Variants in GCSAML observed in about 807,000 individuals in gnomAD.
The protein encoded by GCSAML is germinal center associated signaling and motility like.
Under a neutral mutation model 13.0 loss-of-function variants are expected in GCSAML, and 9 were observed. The observed-to-expected ratio is 0.69, with a 90% CI of 0.42 to 1.21. GCSAML has a LOEUF of 1.21. Ranked by LOEUF, GCSAML falls within the 50% of genes most tolerant of loss-of-function variation. The pLI is 0.00. For missense variants in GCSAML, 143 were observed against 153.4 expected (o/e 0.93, Z 0.36); for synonymous variants, 37 against 52.9 (o/e 0.70, Z 1.31).
At chr1:247,539,318 G>A (rs558941024) in intron 2 of GCSAML, among the ~76,000 whole-genome samples, 2 of 152,254 alleles carry the variant, frequency 1.3e-5, no homozygotes, top group South Asian at 4.1e-4. Flanking sequence ...AACATGATCT[G>A]AGGGTGGAGT....
At chr1:247,566,312 G>A (rs1205124460) in intron 4 of GCSAML, among the ~76,000 whole-genome samples, 1 of 152,044 alleles carries the variant, frequency 6.6e-6, no homozygotes, top group Non-Finnish European at 1.5e-5. Flanking sequence ...GCACGATCTC[G>A]GCTCACTGCA....
chr1:247,560,506 CAT>C (rs1317729713), intron 2 of GCSAML, among the ~76,000 whole-genome samples: 1 of 152,144 alleles, frequency 6.6e-6, no homozygotes, highest in Non-Finnish European at 1.5e-5. Context: ...ACATTTTCCC[CAT>C]GAAAGTTTGA....
intron 1 of GCSAML, among the ~76,000 whole-genome samples, chr1:247,509,182 T>C (rs963146113): frequency 6.6e-6 from 1 of 152,230 alleles, no homozygotes; most frequent in Non-Finnish European, 1.5e-5. Flanking sequence ...CTGATTTCTC[T>C]GAGCAGTGGT....
chr1:247,507,593 T>C lies in GCSAML; in HGVS notation c.-263+360T>C, dbSNP rs140962018. On this transcript the variant is annotated intron_variant, in intron 1 of 5. Transcript: ENST00000366489. ...AAAGTGCAGGTTTGTTAAGCATGTA[T>C]ACACGTGCCATGGTGGTTTGCTGCA... Among the ~76,000 whole-genome samples the C allele has an allele frequency of 7.9e-5, 12 of 152,282 alleles. No individual in the cohort carries two copies. The East Asian group carries it at 2.3e-3, about 29-fold the overall frequency.
intron 2 of GCSAML, among the ~76,000 whole-genome samples, chr1:247,543,791 T>C (rs1336393199): frequency 6.6e-6 from 1 of 152,056 alleles, no homozygotes; most frequent in East Asian, 1.9e-4. Flanking sequence ...TCTAATCTTA[T>C]TAAAAAAATT....
chr1:247,532,298 T>C (rs199725517), intron 2 of GCSAML: 122 of 1,614,078 alleles, frequency 7.6e-5, no homozygotes, highest in Non-Finnish European at 1.0e-4. Flanking sequence ...GTGAAGCTCA[T>C]GTCCAGGAAG....
At chr1:247,531,598 A>G (rs1180079507) in intron 2 of GCSAML, 5 of 1,613,966 alleles carry the variant, frequency 3.1e-6, no homozygotes, top group African/African-American at 2.7e-5. Flanking sequence ...CTCTAATACC[A>G]TGTGCCGGAG....
intron 4 of GCSAML, among the ~76,000 whole-genome samples, chr1:247,568,247 C>T (rs1479156891): frequency 6.6e-6 from 1 of 152,158 alleles, no homozygotes; most frequent in Admixed American, 6.5e-5. Flanking sequence ...GAAGTCTTTG[C>T]CCATGCCTAT....
intron 1 of GCSAML, among the ~76,000 whole-genome samples, chr1:247,555,869 G>A (rs528292326): frequency 6.6e-6 from 1 of 152,274 alleles, no homozygotes; most frequent in East Asian, 1.9e-4. Context: ...GATGATAATT[G>A]ATGGCAAAAC....
At chr1:247,569,431 A>T (rs1162724476) in intron 4 of GCSAML, among the ~76,000 whole-genome samples, 1 of 152,056 alleles carries the variant, frequency 6.6e-6, no homozygotes, top group Non-Finnish European at 1.5e-5. Context: ...GTTAAATTTT[A>T]TCGAAGGCCT....
chr1:247,536,355 C>T (rs917703510), intron 2 of GCSAML: 3 of 152,026 alleles, frequency 2.0e-5, no homozygotes, highest in African/African-American at 2.4e-5. Flanking sequence ...TGGTAGCAGA[C>T]GTGTTAGATT....
chr1:247,556,453 G>C lies in GCSAML; in HGVS notation c.76G>C (p.Glu26Gln). 4 of 1,611,014 alleles carry C rather than the reference G, an allele frequency of 2.5e-6. No individual in the cohort carries two copies. Among genetic ancestry groups the C allele is most frequent in the Non-Finnish European group, 3.4e-6 (4 of 1,177,704 alleles). The change falls in exon 2 of 5, where the codon GAG (glutamate) becomes CAG (glutamine). Residue 26 changes from glutamate to glutamine, a missense_variant. Glu to Gln is a conservative substitution (Grantham distance 29, BLOSUM62 2). Transcript: ENST00000366488. Reference protein sequence around the residue: ...QKKPKKGNPDEERKRQEMTTF... With the variant: ...QKKPKKGNPDQERKRQEMTTF... The stretch of plus-strand genomic sequence containing the variant: ...GAAGCCCAAGAAAGGAAACCCAGAT[G>C]AGGAAAGAAAACGGTAAGAACAGAG...
chr1:247,568,508 G>T (rs1458774621), intron 4 of GCSAML, among the ~76,000 whole-genome samples: 5 of 152,044 alleles, frequency 3.3e-5, no homozygotes, highest in Admixed American at 6.6e-5. Flanking sequence ...CATTTCTGAG[G>T]CCTCTGTTCT....
intron 1 of GCSAML, among the ~76,000 whole-genome samples, chr1:247,511,333 C>T (rs1666027908): frequency 6.6e-6 from 1 of 152,110 alleles, no homozygotes; most frequent in South Asian, 2.1e-4. Context: ...ATCAGGATTG[C>T]AACCTCTGCT....
At chr1:247,531,898 A>C (rs1666982896) in intron 2 of GCSAML, 1 of 1,614,048 alleles carries the variant, frequency 6.2e-7, no homozygotes, top group African/African-American at 1.3e-5. Context: ...AACAAAGACA[A>C]AGCTGGCCAG....
chr1:247,567,320 C>T (rs1402420523), intron 4 of GCSAML, among the ~76,000 whole-genome samples: 1 of 151,956 alleles, frequency 6.6e-6, no homozygotes, highest in Non-Finnish European at 1.5e-5. Flanking sequence ...AATGCTCTCC[C>T]TCCCCTTGCC....
chr1:247,512,343 GT>G (rs1666073412), intron 1 of GCSAML, among the ~76,000 whole-genome samples: 1 of 151,792 alleles, frequency 6.6e-6, no homozygotes. Context: ...CTCGTGATGT[GT>G]TTTTCAGCTC....
At chr1:247,513,981 C>G (rs896538802) in intron 1 of GCSAML, among the ~76,000 whole-genome samples, 2 of 151,960 alleles carry the variant, frequency 1.3e-5, no homozygotes, top group East Asian at 3.9e-4. Flanking sequence ...CCACAACCCC[C>G]CCACCGCCTT....
intron 2 of GCSAML, among the ~76,000 whole-genome samples, chr1:247,539,793 T>G (rs1667346512): frequency 6.6e-6 from 1 of 152,200 alleles, no homozygotes; most frequent in African/African-American, 2.4e-5. Context: ...CTGTCTCAGC[T>G]AGATTACTTG....
Sources: gnomAD v4.1 joint callset for allele counts (sites outside exome capture counted in the v4.1 genomes callset) on GRCh38, gnomAD v4.1.1 for gene constraint, MANE v1.5 for transcripts, NCBI Gene and HGNC (gene_info 2026-07-23, HGNC 2026-07-21) for gene names.